The following AVEN variants were observed in gnomAD, a reference collection of about 807,000 sequenced individuals.
AVEN encodes the protein apoptosis and caspase activation inhibitor, also known as cell death regulator Aven.
AVEN carries 41 observed loss-of-function variants against 38.1 expected under a neutral mutation model. The ratio of observed to expected loss-of-function variants is 1.08; its 90% CI spans 0.84 to 1.40. The LOEUF (loss-of-function observed/expected upper bound fraction) is 1.40. Among genes scored for constraint, AVEN ranks in the 40% most tolerant of loss-of-function variants. AVEN has a pLI of 0.00. For missense variants in AVEN, 605 were observed against 438.8 expected (o/e 1.38, Z -3.38); for synonymous variants, 206 against 171.8 (o/e 1.20, Z -1.56).
chr15:34,054,650 C>T (rs371757702), intron 5 of AVEN, among the ~76,000 whole-genome samples: 5 of 152,228 alleles, frequency 3.3e-5, no homozygotes, highest in African/African-American at 1.2e-4. Context: ...CACAAGGGCA[C>T]ATCCAGGGAA....
At chr15:33,983,422 G>A (rs1159136428) in intron 2 of AVEN, among the ~76,000 whole-genome samples, 1 of 151,864 alleles carries the variant, frequency 6.6e-6, no homozygotes, top group African/African-American at 2.4e-5. Flanking sequence ...GAAATTGACA[G>A]AAGGGTCAAT....
At chr15:33,855,424 A>G (rs1335077980), downstream of AVEN, among the ~76,000 whole-genome samples, 2 of 152,174 alleles carry the variant, frequency 1.3e-5, no homozygotes. Context: ...GGCTGGTCTC[A>G]AACGCCTGAT....
chr15:33,976,441 C>T (rs948266933), intron 2 of AVEN, among the ~76,000 whole-genome samples: 5 of 147,190 alleles, frequency 3.4e-5, no homozygotes, highest in African/African-American at 1.2e-4. Context: ...AAACCAACAA[C>T]CAATACCCAT....
chr15:33,865,752 G>C (rs377677287), downstream of AVEN: 1 of 153,444 alleles, frequency 6.5e-6, no homozygotes, highest in Admixed American at 6.5e-5. Flanking sequence ...ACACTTTGTC[G>C]ACACTGAAAT....
At position 34,039,005 on chromosome 15, in the gene AVEN, C is replaced by T. The variant is rs1186399284; in HGVS notation, c.42G>A (p.Arg14=). 3.6e-6 allele frequency: 4 copies of T among 1,121,414 alleles called. No homozygotes were observed. Among genetic ancestry groups the T allele is most frequent in the Non-Finnish European group, 3.3e-6 (3 of 919,154 alleles). The allele number at this position is 1,121,414 out of a possible 1,614,324, so 69.5% of individuals were successfully genotyped here. Residue 14 remains arginine, a synonymous_variant, in exon 1 of 6, where the codon CGG becomes CGA. Transcript: ENST00000306730. ...ERGARGGRGR[R]PGRGRPGGDR... ...CTCCGCCAGGCCGGCCGCGGCCTGG[C>T]CGCCGCCCACGGCCTCCCCGAGCTC...
chr15:33,857,646 GCCCTC>G, downstream of AVEN: 9 of 1,067,580 alleles, frequency 8.4e-6, no homozygotes, highest in Non-Finnish European at 9.5e-6. Context: ...TTTCTTAGCC[GCCCTC>G]CACCCCTTCC....
At chr15:33,948,078 C>T (rs888340688) in intron 2 of AVEN, among the ~76,000 whole-genome samples, 1 of 151,144 alleles carries the variant, frequency 6.6e-6, no homozygotes, top group African/African-American at 2.4e-5. Context: ...ATGAGAGTAT[C>T]AAACAATGTC....
chr15:33,930,457 A>G (rs1449293110), intron 2 of AVEN, among the ~76,000 whole-genome samples: 3 of 152,246 alleles, frequency 2.0e-5, no homozygotes, highest in African/African-American at 7.2e-5. Flanking sequence ...GATACAAAAG[A>G]ATGTGAACAT....
chr15:33,879,930 C>T (rs1410867200), intron 2 of AVEN, among the ~76,000 whole-genome samples: 1 of 151,820 alleles, frequency 6.6e-6, no homozygotes, highest in African/African-American at 2.4e-5. Context: ...TTATGATTTT[C>T]AATAAAAATA....
intron 2 of AVEN, among the ~76,000 whole-genome samples, chr15:33,890,972 G>C (rs1369714206): frequency 6.6e-6 from 1 of 152,120 alleles, no homozygotes; most frequent in East Asian, 1.9e-4. Context: ...AGCGGAGCGT[G>C]GTGGTGCACA....
intron 2 of AVEN, among the ~76,000 whole-genome samples, chr15:33,911,186 A>G (rs562424059): frequency 6.6e-6 from 1 of 152,262 alleles, no homozygotes; most frequent in East Asian, 1.9e-4. Flanking sequence ...TATCAAAACC[A>G]CCGCTGCCAA....
chr15:34,022,178 ACATCAAATGAATGG>A (rs1567472707), intron 1 of AVEN, among the ~76,000 whole-genome samples: 1 of 152,206 alleles, frequency 6.6e-6, no homozygotes, highest in Non-Finnish European at 1.5e-5. Flanking sequence ...TGCTCCTCAG[ACATCAAATGAATGG>A]CATCATGGCC....
intron 1 of AVEN, among the ~76,000 whole-genome samples, chr15:34,019,217 A>T (rs1898100081): frequency 1.3e-5 from 2 of 152,340 alleles, no homozygotes; most frequent in Middle Eastern, 3.4e-3. Context: ...GTGTAGGCCT[A>T]GGCTAATGGA....
At chr15:33,942,730 C>T (rs893901875) in intron 2 of AVEN, among the ~76,000 whole-genome samples, 1 of 152,174 alleles carries the variant, frequency 6.6e-6, no homozygotes, top group South Asian at 2.1e-4. Context: ...GGATTACAGG[C>T]GTGAGCCACC....
intron 2 of AVEN, among the ~76,000 whole-genome samples, chr15:33,932,481 C>T (rs1306746163): frequency 6.6e-6 from 1 of 152,150 alleles, no homozygotes; most frequent in African/African-American, 2.4e-5. Flanking sequence ...GAATAATACA[C>T]AGTTATGAAG....
chr15:33,898,617 G>T (rs1164597818), intron 2 of AVEN, among the ~76,000 whole-genome samples: 1 of 152,122 alleles, frequency 6.6e-6, no homozygotes, highest in Non-Finnish European at 1.5e-5. Context: ...ACTAGTCATT[G>T]AACTGGGACA....
intron 2 of AVEN, among the ~76,000 whole-genome samples, chr15:33,986,400 C>T (rs527268319): frequency 2.6e-5 from 4 of 152,096 alleles, no homozygotes; most frequent in South Asian, 2.1e-4. Context: ...TAAGCCACCG[C>T]GCCCGGCCCA....
At chr15:34,016,140 G>T (rs746082300) in intron 1 of AVEN, among the ~76,000 whole-genome samples, 4 of 152,206 alleles carry the variant, frequency 2.6e-5, no homozygotes, top group African/African-American at 9.7e-5. Context: ...GCTGGGCATG[G>T]TGGTGCACGC....
intron 5 of AVEN, chr15:34,062,820 G>T: frequency 2.5e-6 from 4 of 1,614,210 alleles, no homozygotes; most frequent in South Asian, 2.2e-5. Flanking sequence ...CACCATTGCA[G>T]CTGTGACTGC....
Sources: allele counts gnomAD v4.1 joint callset (sites outside exome capture counted in the v4.1 genomes callset), GRCh38; gene constraint gnomAD v4.1.1; transcripts MANE v1.5; gene names NCBI Gene and HGNC (gene_info 2026-07-23, HGNC 2026-07-21).